The following PRKRA variants were observed in gnomAD, a reference collection of about 807,000 sequenced individuals.
The protein encoded by PRKRA is interferon-inducible double-stranded RNA-dependent protein kinase activator A.
Under a neutral mutation model 32.4 loss-of-function variants are expected in PRKRA, and 22 were observed. The observed-to-expected ratio is 0.68, with a 90% CI of 0.49 to 0.97. The LOEUF is 0.97. PRKRA is among the 50% of genes least tolerant of loss of function. PRKRA has a pLI of 0.00. For synonymous variants in PRKRA, 139 were observed against 129.8 expected (o/e 1.07, Z -0.48); for missense variants, 319 against 375.6 (o/e 0.85, Z 1.25).
In PRKRA at chr2:178,444,425, T is replaced by C; in HGVS notation, c.393A>G (p.Leu131=). The C allele has an allele frequency of 6.3e-7, 1 of 1,593,430 alleles. No homozygotes were observed. The highest frequency in any genetic ancestry group is 1.3e-5 in the African/African-American group (1 of 74,318). ...PKNQLNPIGS[L]QELAIHHGWR... Reference sequence around the variant, plus strand: ...GGCAAAGAACTGTACAACTTACCTGTAATGAACCAATAGGATTAAGCTGGT... The same window carrying C: ...GGCAAAGAACTGTACAACTTACCTGCAATGAACCAATAGGATTAAGCTGGT... The change falls in exon 4 of 8, where the codon TTA becomes TTG. Residue 131 remains leucine, a synonymous_variant. Coordinates refer to ENST00000325748, the MANE Select transcript of PRKRA (RefSeq NM_003690.5).
chr2:178,447,051 T>C (rs1697345086), intron 3 of PRKRA, among the ~76,000 whole-genome samples: 1 of 147,962 alleles, frequency 6.8e-6, no homozygotes, highest in South Asian at 2.2e-4. Context: ...AGAATTAATA[T>C]CCCACTTAAC....
At chr2:178,437,037 A>T (rs1313652569) in intron 6 of PRKRA, among the ~76,000 whole-genome samples, 2 of 151,952 alleles carry the variant, frequency 1.3e-5, no homozygotes, top group African/African-American at 2.4e-5. Flanking sequence ...TAATAAAAAC[A>T]ACTACTTTCT....
chr2:178,439,552 G>C (rs1366594280), intron 6 of PRKRA: 2 of 152,106 alleles, frequency 1.3e-5, no homozygotes, highest in Non-Finnish European at 2.9e-5. Context: ...TTTGCAGTTA[G>C]TAACCATTTT....
chr2:178,437,058 G>A (rs191353804), intron 6 of PRKRA, among the ~76,000 whole-genome samples: 19 of 152,204 alleles, frequency 1.2e-4, no homozygotes, highest in African/African-American at 4.6e-4. Flanking sequence ...GAAGTAAGTA[G>A]GGTTACTACT....
At chr2:178,437,963 G>A (rs564764220) in intron 6 of PRKRA, among the ~76,000 whole-genome samples, 5 of 152,146 alleles carry the variant, frequency 3.3e-5, no homozygotes, top group South Asian at 4.2e-4. Flanking sequence ...TTAGCCTCCC[G>A]AGTAGCTGGG....
chr2:178,443,669 C>T (rs771069455), intron 4 of PRKRA: 4 of 349,050 alleles, frequency 1.1e-5, no homozygotes, highest in South Asian at 2.5e-5. Context: ...AGGCTACTAC[C>T]GCCCTCTTTG....
intron 6 of PRKRA, chr2:178,440,157 T>C (rs1282303620): frequency 1.3e-5 from 2 of 152,220 alleles, no homozygotes; most frequent in African/African-American, 2.4e-5. Flanking sequence ...CTTTGTAATT[T>C]TGGTGATACT....
chr2:178,447,291 T>A, intron 3 of PRKRA: 2 of 712,920 alleles, frequency 2.8e-6, no homozygotes, highest in Non-Finnish European at 4.4e-6. Flanking sequence ...CAGTAAAGCC[T>A]AGTTCATGAG....
rs150523431 is a variant in PRKRA, at chr2:178,447,713, G to GTAC, written c.236-130_236-128dup. On this transcript the variant is annotated intron_variant, in intron 2 of 7. Transcript: ENST00000325748. ...TACACATACTAGGTAATAAAAATATGTACGTTATATACTGTACATAAAAAT... is the reference window on the plus strand; with the variant it reads ...TACACATACTAGGTAATAAAAATATGTACTACGTTATATACTGTACATAAAAAT... The GTAC allele has an allele frequency of 0.24, 226,338 of 952,008 alleles. 35,522 individuals carry two copies. Among genetic ancestry groups the GTAC allele is most frequent in the East Asian group, 0.65 (25,044 of 38,354 alleles). The allele number at this position is 952,008 out of a possible 1,614,324, so 59.0% of individuals were successfully genotyped here. A position where few individuals can be genotyped will look rare whatever the true frequency, so the allele number is the denominator to read the frequency against.
At chr2:178,450,836 C>T (rs1697582803) in intron 1 of PRKRA, 130 bp downstream of exon 1, 26 of 1,373,106 alleles carry the variant, frequency 1.9e-5, no homozygotes, top group Non-Finnish European at 2.3e-5. Flanking sequence ...GGGCCGAGCA[C>T]CCACAGCCGC....
At chr2:178,432,322 C>T in intron 7 of PRKRA, 68 bp from the exon 8 acceptor site, 1 of 1,293,664 alleles carries the variant, frequency 7.7e-7, no homozygotes, top group Non-Finnish European at 1.0e-6. Context: ...TTTGTAAAAA[C>T]AATACAATTC....
Position 178,431,927 on chromosome 2 carries a change from A to G in PRKRA, c.*170T>C. 2 of 832,078 alleles carry G rather than the reference A, an allele frequency of 2.4e-6. No homozygotes were observed. Among genetic ancestry groups the G allele is most frequent in the South Asian group, 1.7e-5 (1 of 58,034 alleles). 51.5% of individuals were successfully genotyped at this position (832,078 alleles called of 1,614,324 possible). ...TACTGATACAAAGTTGAAGCCATTAAAAAGAGCTTAATAACAACTATGAGG... is the reference window on the plus strand; with the variant it reads ...TACTGATACAAAGTTGAAGCCATTAGAAAGAGCTTAATAACAACTATGAGG... On this transcript the variant is annotated 3_prime_UTR_variant, in exon 8 of 8. Coordinates refer to ENST00000325748, the MANE Select transcript of PRKRA (RefSeq NM_003690.5).
intron 5 of PRKRA, 61 bp from the exon 6 acceptor site, chr2:178,441,765 C>T (rs964955401): frequency 1.5e-6 from 2 of 1,346,212 alleles, no homozygotes; most frequent in African/African-American, 2.9e-5. Flanking sequence ...AGAGGATGAT[C>T]AAACGTATGA....
chr2:178,442,783 T>C (rs956227290), intron 5 of PRKRA, among the ~76,000 whole-genome samples: 3 of 152,256 alleles, frequency 2.0e-5, no homozygotes, highest in South Asian at 4.1e-4. Flanking sequence ...GCGTTTCTTA[T>C]AGTTTATATC....
At position 178,444,449 on chromosome 2, in the gene PRKRA, G is replaced by C. The variant is rs760474620; in HGVS notation, c.369C>G (p.Asn123Lys). The change falls in exon 4 of 8, where the codon AAC (asparagine) becomes AAG (lysine). Residue 123 changes from asparagine (N) to lysine (K), a missense_variant. Physicochemically the swap from Asn to Lys is moderately conservative, Grantham distance 94. Transcript: ENST00000325748. ...LMPDPSKQPK[N>K]QLNPIGSLQE... ...GTAATGAACCAATAGGATTAAGCTG[G>C]TTCTTTGGTTGCTTGGAAGGGTCAG... 1.2e-6 allele frequency: 2 copies of C among 1,605,262 alleles called. No homozygotes were observed. The highest frequency in any genetic ancestry group is 1.7e-6 in the Non-Finnish European group (2 of 1,172,132).
intron 3 of PRKRA, 76 bp downstream of exon 3, chr2:178,447,429 T>C (rs1162410777): frequency 2.7e-5 from 43 of 1,610,684 alleles, no homozygotes; most frequent in Non-Finnish European, 3.4e-5. Context: ...GTTGCTTTTG[T>C]AAGCATGTTC....
intron 7 of PRKRA, chr2:178,433,474 G>A (rs938321622): frequency 2.2e-4 from 34 of 152,134 alleles, no homozygotes; most frequent in African/African-American, 6.8e-4. Context: ...CACCAGCAAC[G>A]TGTAAGGTTC....
chr2:178,432,427 TG>T (rs1696701190), intron 7 of PRKRA, 173 bp from the exon 8 acceptor site: 5 of 769,526 alleles, frequency 6.5e-6, no homozygotes, highest in Non-Finnish European at 1.1e-5. Context: ...ACTGCTCAGC[TG>T]TAGCAGTTTT....
intron 2 of PRKRA, among the ~76,000 whole-genome samples, chr2:178,448,575 G>C (rs1215053295): frequency 6.6e-6 from 1 of 152,036 alleles, no homozygotes; most frequent in African/African-American, 2.4e-5. Flanking sequence ...CTGGGTGACA[G>C]AGTGAGACCC....
Sources: gnomAD v4.1 joint callset for allele counts (sites outside exome capture counted in the v4.1 genomes callset) on GRCh38, gnomAD v4.1.1 for gene constraint, MANE v1.5 for transcripts, NCBI Gene and HGNC (gene_info 2026-07-23, HGNC 2026-07-21) for gene names.